Variants in SORD observed in about 807,000 individuals in gnomAD.
The protein encoded by SORD is sorbitol dehydrogenase, also known as (R,R)-butanediol dehydrogenase.
SORD carries 18 observed loss-of-function variants against 35.6 expected under a neutral mutation model. The ratio of observed to expected loss-of-function variants is 0.51; its 90% confidence interval spans 0.35 to 0.75. SORD has a LOEUF of 0.75. Among genes scored for constraint, SORD ranks in the 30% least tolerant of loss-of-function variants. The pLI is 0.01. For synonymous variants in SORD, 106 were observed against 152.9 expected (o/e 0.69, Z 2.26); for missense variants, 250 against 390.2 (o/e 0.64, Z 3.03).
intron 7 of SORD, among the ~76,000 whole-genome samples, chr15:45,069,396 G>A (rs1229267070): frequency 1.3e-5 from 2 of 151,598 alleles, no homozygotes; most frequent in Non-Finnish European, 1.5e-5. Flanking sequence ...TTTTTTAGAA[G>A]AGATGGGGTT....
At chr15:45,050,958 C>T (rs8042676) in intron 3 of SORD, among the ~76,000 whole-genome samples, 4,739 of 152,326 alleles carry the variant, frequency 0.031, 200 homozygotes, top group African/African-American at 0.091. Context: ...TTAATACTTG[C>T]TCTGCATGAT....
intron 1 of SORD, among the ~76,000 whole-genome samples, chr15:45,037,535 G>C (rs1006379353): frequency 6.6e-6 from 1 of 152,138 alleles, no homozygotes; most frequent in Non-Finnish European, 1.5e-5. Flanking sequence ...GGAGGGTGGG[G>C]TGCTCTCCCA....
Position 45,046,300 on chromosome 15 carries a change from T to C in SORD, c.265+2879T>C, listed in dbSNP as rs1468189866. Among the ~76,000 whole-genome samples the C allele has an allele frequency of 3.9e-5, 6 of 152,302 alleles. No homozygotes were observed. In the East Asian group the frequency reaches 1.2e-3, roughly 29 times the overall value. On this transcript the variant is annotated intron_variant, in intron 3 of 8. Coordinates refer to ENST00000267814, the MANE Select transcript of SORD (RefSeq NM_003104.6). ...TTCTGTTGTCCAGGCTGGAGTGTAGTGGTGCCATCTCAGCTCACTGCAACC... is the reference window on the plus strand; with the variant it reads ...TTCTGTTGTCCAGGCTGGAGTGTAGCGGTGCCATCTCAGCTCACTGCAACC...
chr15:45,044,211 C>A (rs550867787), intron 3 of SORD, among the ~76,000 whole-genome samples: 1 of 152,324 alleles, frequency 6.6e-6, no homozygotes, highest in South Asian at 2.1e-4. Context: ...AGGTTATTTC[C>A]TAGTGGAATG....
chr15:45,041,007 G>A (rs1892957052), intron 2 of SORD, among the ~76,000 whole-genome samples: 1 of 152,194 alleles, frequency 6.6e-6, no homozygotes, highest in Non-Finnish European at 1.5e-5. Context: ...ACCAAGCACA[G>A]AAAGTGAGTG....
intron 5 of SORD, among the ~76,000 whole-genome samples, chr15:45,066,315 T>G (rs1893404240): frequency 6.6e-6 from 1 of 150,540 alleles, no homozygotes; most frequent in Admixed American, 6.6e-5. Context: ...CTAGGGAAAT[T>G]TTTTTTTTTC....
At chr15:45,063,486 AG>A (rs2096583736) in intron 4 of SORD, among the ~76,000 whole-genome samples, 1 of 151,864 alleles carries the variant, frequency 6.6e-6, no homozygotes, top group Non-Finnish European at 1.5e-5. Context: ...GGTTTTCCCA[AG>A]GTCAGTGGCA....
chr15:45,065,650 T>G (rs1371020841), intron 5 of SORD, among the ~76,000 whole-genome samples: 2 of 152,220 alleles, frequency 1.3e-5, no homozygotes, highest in Non-Finnish European at 2.9e-5. Flanking sequence ...CTGGGCACAG[T>G]GGCTCCTGCC....
chr15:45,059,075 T>G (rs1893261726), intron 3 of SORD, among the ~76,000 whole-genome samples: 1 of 152,204 alleles, frequency 6.6e-6, no homozygotes, highest in South Asian at 2.1e-4. Flanking sequence ...CCTCACTCCC[T>G]TATCTGTGCC....
chr15:45,045,635 A>G (rs886523467), intron 3 of SORD, among the ~76,000 whole-genome samples: 4 of 151,964 alleles, frequency 2.6e-5, no homozygotes, highest in African/African-American at 9.6e-5. Flanking sequence ...AGTCTGTGCT[A>G]CTCAGAGCAG....
intron 2 of SORD, 134 bp downstream of exon 2, chr15:45,040,575 G>C (rs36016858): frequency 1.4e-6 from 1 of 713,358 alleles, no homozygotes; most frequent in Admixed American, 2.4e-5. Context: ...CTATGCTTTT[G>C]TTAGGCTGAG....
chr15:45,066,576 T>G (rs549803582), intron 5 of SORD, among the ~76,000 whole-genome samples: 61 of 152,290 alleles, frequency 4.0e-4, no homozygotes, highest in Non-Finnish European at 5.9e-4. Flanking sequence ...CTGCCTGCAG[T>G]AGGGCTGTAG....
chr15:45,061,128 C>T lies in SORD; in HGVS notation c.327C>T (p.Gly109=), dbSNP rs774061299. Residue 109 remains glycine, a synonymous_variant, in exon 4 of 9, where the codon GGC becomes GGT. Coordinates refer to ENST00000267814, the MANE Select transcript of SORD (RefSeq NM_003104.6). ...AAAATGATGAATTCTGCAAGATGGG[C>T]CGATACAATCTGTCACCTTCCATCT... ...PRENDEFCKM[G]RYNLSPSIFF... 3 of 1,614,108 alleles carry T rather than the reference C, an allele frequency of 1.9e-6. No homozygotes were observed. The highest frequency in any genetic ancestry group is 2.2e-5 in the South Asian group (2 of 91,080).
chr15:45,037,579 A>G (rs1029399901), intron 1 of SORD, among the ~76,000 whole-genome samples: 5 of 152,216 alleles, frequency 3.3e-5, no homozygotes, highest in African/African-American at 1.2e-4. Flanking sequence ...TTTAGTTTCA[A>G]TTTAACCTGC....
chr15:45,061,582 C>T (rs1445838736), intron 4 of SORD, among the ~76,000 whole-genome samples: 1 of 151,904 alleles, frequency 6.6e-6, no homozygotes, highest in Non-Finnish European at 1.5e-5. Flanking sequence ...ACAACAATGA[C>T]CTCGGCCAGG....
At chr15:45,069,352 G>A (rs989872060) in intron 7 of SORD, among the ~76,000 whole-genome samples, 21 of 151,562 alleles carry the variant, frequency 1.4e-4, no homozygotes, top group African/African-American at 3.4e-4. Flanking sequence ...GACTACGGGC[G>A]CCTGCCACCA....
chr15:45,066,478 G>T (rs1271995815), intron 5 of SORD, among the ~76,000 whole-genome samples: 2 of 152,106 alleles, frequency 1.3e-5, no homozygotes, highest in African/African-American at 4.8e-5. Flanking sequence ...TGATGGCCTA[G>T]TCCCATCTAT....
At chr15:45,048,456 C>T (rs914499050) in intron 3 of SORD, among the ~76,000 whole-genome samples, 5 of 152,108 alleles carry the variant, frequency 3.3e-5, no homozygotes, top group East Asian at 1.9e-4. Context: ...CACCTGTAAT[C>T]GCAGCACTTT....
intron 1 of SORD, among the ~76,000 whole-genome samples, chr15:45,038,852 C>A (rs1410138600): frequency 1.1e-4 from 16 of 152,026 alleles, no homozygotes. Flanking sequence ...GTGCCTCCTC[C>A]CAGAGTTTTC....
Sources: allele counts gnomAD v4.1 joint callset (sites outside exome capture counted in the v4.1 genomes callset), GRCh38; gene constraint gnomAD v4.1.1; transcripts MANE v1.5; gene names NCBI Gene and HGNC (gene_info 2026-07-23, HGNC 2026-07-21).